The following WDR70 variants were observed in gnomAD, a reference collection of about 807,000 sequenced individuals.
WDR70 encodes WD repeat domain 70, also known as WD repeat-containing protein 70.
A neutral mutation model predicts 88.6 loss-of-function variants in WDR70; 53 were observed. The observed-to-expected ratio is 0.60, with a 90% CI of 0.48 to 0.75. The LOEUF is 0.75. WDR70 is among the 30% of genes least tolerant of loss of function. WDR70 has a pLI of 0.00. For synonymous variants in WDR70, 280 were observed against 270.0 expected (o/e 1.04, Z -0.36); for missense variants, 610 against 823.2 (o/e 0.74, Z 3.17).
intron 17 of WDR70, among the ~76,000 whole-genome samples, chr5:37,745,789 G>A (rs1748620381): frequency 6.6e-6 from 1 of 152,150 alleles, no homozygotes; most frequent in Admixed American, 6.5e-5. Context: ...CAAGTTCTTA[G>A]GGACCTACAA....
intron 9 of WDR70, among the ~76,000 whole-genome samples, chr5:37,564,193 G>T (rs890253468): frequency 4.0e-5 from 6 of 151,580 alleles, no homozygotes; most frequent in Non-Finnish European, 8.9e-5. Context: ...GGTGGAGGTT[G>T]TAGCGAGCCG....
In WDR70 at chr5:37,421,697, A is replaced by G. The variant is rs59956868; in HGVS notation, c.493-16225A>G. 7.4e-3 allele frequency among the ~76,000 whole-genome samples: 1,121 copies of G among 152,228 alleles called. 17 individuals carry two copies. Among genetic ancestry groups the G allele is most frequent in the African/African-American group, 0.025 (1,054 of 41,524 alleles). ...AAAAGATGCTTTGTTTCCTAAATGAATCAATCAACAAATATTCTTTGTAGA... is the reference window on the plus strand; with the variant it reads ...AAAAGATGCTTTGTTTCCTAAATGAGTCAATCAACAAATATTCTTTGTAGA... On this transcript the variant is annotated intron_variant, in intron 5 of 17. Transcript: ENST00000265107.
intron 7 of WDR70, among the ~76,000 whole-genome samples, chr5:37,449,608 AAATAAAAAATAAAT>A (rs1561856899): frequency 4.6e-5 from 3 of 65,642 alleles, no homozygotes; most frequent in Non-Finnish European, 7.4e-5. Context: ...AAAAAATAAA[AAATAAAAAATAAAT>A]AAATAAATAA....
chr5:37,680,898 T>C (rs1746411191), intron 10 of WDR70, among the ~76,000 whole-genome samples: 1 of 152,192 alleles, frequency 6.6e-6, no homozygotes, highest in Non-Finnish European at 1.5e-5. Flanking sequence ...TTTGGTTCCA[T>C]ATGAGTAGTT....
At chr5:37,430,981 G>A (rs1473495260) in intron 5 of WDR70, among the ~76,000 whole-genome samples, 1 of 152,062 alleles carries the variant, frequency 6.6e-6, no homozygotes, top group Non-Finnish European at 1.5e-5. Context: ...AACCTCCTGG[G>A]TAGCTGGGAC....
At chr5:37,675,984 C>G (rs963252436) in intron 10 of WDR70, among the ~76,000 whole-genome samples, 2 of 151,084 alleles carry the variant, frequency 1.3e-5, no homozygotes, top group Admixed American at 6.6e-5. Context: ...GTATTTTATT[C>G]TCTTTGAAGC....
chr5:37,650,803 A>G (rs532278346), intron 10 of WDR70, among the ~76,000 whole-genome samples: 9 of 151,936 alleles, frequency 5.9e-5, no homozygotes, highest in Admixed American at 4.6e-4. Flanking sequence ...TCCTTTACAT[A>G]CTCTCCGTCC....
intron 5 of WDR70, among the ~76,000 whole-genome samples, chr5:37,416,337 C>T (rs918034959): frequency 2.6e-5 from 4 of 152,184 alleles, no homozygotes; most frequent in African/African-American, 4.8e-5. Context: ...AGCGAAACCC[C>T]GTCTCCACCA....
At chr5:37,489,522 C>G (rs12109722) in intron 8 of WDR70, among the ~76,000 whole-genome samples, 40,700 of 152,020 alleles carry the variant, frequency 0.27, 6,064 homozygotes, top group East Asian at 0.48. Flanking sequence ...ACCTTGTCCT[C>G]CAGCCCCTAG....
At chr5:37,741,233 GTTCTTT>G (rs1370746929) in intron 17 of WDR70, among the ~76,000 whole-genome samples, 5 of 37,476 alleles carry the variant, frequency 1.3e-4, no homozygotes, top group Non-Finnish European at 1.9e-4. Context: ...CAAGAGCCTA[GTTCTTT>G]TTTTTTTTTT....
rs751409490 is a variant in WDR70, at chr5:37,703,002, T to C, written c.1331T>C (p.Ile444Thr). The C allele has an allele frequency of 1.4e-5, 23 of 1,613,984 alleles. No individual in the cohort carries two copies. Among genetic ancestry groups the C allele is most frequent in the Non-Finnish European group, 1.9e-5 (23 of 1,179,848 alleles). ...AAGCTCATAGTCACTGGTACATCTA[T>C]TCAAAGAGGATGTGGCAGCGGCAAA... is the stretch of plus-strand genomic sequence containing the variant. ...DDKLIVTGTS[I>T]QRGCGSGKLV... Residue 444 changes from isoleucine (I) to threonine (T), a missense_variant, in exon 13 of 18, where the codon ATT becomes ACT. By Grantham distance (89) the Ile-to-Thr change is moderately conservative. Coordinates refer to ENST00000265107, the MANE Select transcript of WDR70 (RefSeq NM_018034.4).
intron 5 of WDR70, among the ~76,000 whole-genome samples, chr5:37,420,507 A>G (rs1181486380): frequency 1.3e-5 from 2 of 152,110 alleles, no homozygotes; most frequent in Non-Finnish European, 2.9e-5. Flanking sequence ...TGGTATTATC[A>G]TAACTCACTG....
rs1744627823 is a variant in WDR70, at chr5:37,625,166, G to A, written c.1092+19928G>A. Among the ~76,000 whole-genome samples the A allele has an allele frequency of 1.3e-5, 2 of 152,044 alleles. 1 individual carries two copies. The highest frequency in any genetic ancestry group is 4.1e-4 in the South Asian group (2 of 4,826). On this transcript the variant is annotated intron_variant, in intron 10 of 17. Coordinates refer to ENST00000265107, the MANE Select transcript of WDR70 (RefSeq NM_018034.4). ...GGCTGCTTCTGAGGCTTTCATTTTGGGATATTGTTTTCTGAGCCCTAAAAA... is the reference window on the plus strand; with the variant it reads ...GGCTGCTTCTGAGGCTTTCATTTTGAGATATTGTTTTCTGAGCCCTAAAAA...
At chr5:37,515,197 T>TC (rs1321679205) in intron 8 of WDR70, among the ~76,000 whole-genome samples, 1 of 152,198 alleles carries the variant, frequency 6.6e-6, no homozygotes, top group African/African-American at 2.4e-5. Flanking sequence ...GATAGAATTG[T>TC]CAAGAATAGC....
rs188579742 is a variant in WDR70 at position 37,737,766 on chromosome 5, G to A, written c.1877+10721G>A. 7.2e-5 allele frequency among the ~76,000 whole-genome samples: 11 copies of A among 152,228 alleles called. No homozygotes were observed. The East Asian group carries it at 2.1e-3, about 29-fold the overall frequency. ...TGTTTATCCATTTGGTGATAAGGTAGCTAATGGCAATTTTGTAGAATTCTG... is the reference window on the plus strand; with the variant it reads ...TGTTTATCCATTTGGTGATAAGGTAACTAATGGCAATTTTGTAGAATTCTG... On this transcript the variant is annotated intron_variant, in intron 17 of 17. Transcript: ENST00000265107.
intron 5 of WDR70, among the ~76,000 whole-genome samples, chr5:37,425,634 T>G (rs1295401479): frequency 6.6e-6 from 1 of 152,208 alleles, no homozygotes; most frequent in African/African-American, 2.4e-5. Context: ...CTGTAGGCAA[T>G]TGTAAAGGCT....
At chr5:37,602,198 C>A (rs1177515824) in intron 9 of WDR70, among the ~76,000 whole-genome samples, 1 of 151,772 alleles carries the variant, frequency 6.6e-6, no homozygotes, top group African/African-American at 2.4e-5. Flanking sequence ...TGCACATGTA[C>A]CCCAGAACTT....
chr5:37,666,599 C>T (rs1745850204), intron 10 of WDR70, among the ~76,000 whole-genome samples: 1 of 152,184 alleles, frequency 6.6e-6, no homozygotes, highest in Non-Finnish European at 1.5e-5. Flanking sequence ...CTACTTTTCA[C>T]ATTCAGATTC....
chr5:37,743,964 G>C (rs1190072186), intron 17 of WDR70, among the ~76,000 whole-genome samples: 1 of 152,180 alleles, frequency 6.6e-6, no homozygotes, highest in African/African-American at 2.4e-5. Flanking sequence ...ACCCAACTGG[G>C]TGAGACCCTC....
Sources: allele counts gnomAD v4.1 joint callset (sites outside exome capture counted in the v4.1 genomes callset), GRCh38; gene constraint gnomAD v4.1.1; transcripts MANE v1.5; gene names NCBI Gene and HGNC (gene_info 2026-07-23, HGNC 2026-07-21).